CTNNA3: variants seen among roughly 807,000 people sequenced by gnomAD.
CTNNA3 encodes the protein catenin alpha 3, also known as catenin alpha-3.
In CTNNA3, 76 loss-of-function variants were observed where a neutral mutation model predicts 95.7. That is an observed-to-expected ratio of 0.79 (90% CI 0.66 to 0.96). The LOEUF is 0.96. CTNNA3 is among the 40% of genes least tolerant of loss of function. The probability of loss-of-function intolerance (pLI) is 0.00; values close to 1 mark genes in which losing one functional copy is unlikely to be tolerated. For synonymous variants in CTNNA3, 431 were observed against 374.4 expected (o/e 1.15, Z -1.74); for missense variants, 1,191 against 1,089.8 (o/e 1.09, Z -1.31).
intron 13 of CTNNA3, among the ~76,000 whole-genome samples, chr10:66,166,515 AAAAG>A (rs1197097301): frequency 0.026 from 3,855 of 150,680 alleles, 157 homozygotes; most frequent in African/African-American, 0.091. Context: ...AAAAAAAAAA[AAAAG>A]AAGAAGTTTC....
intron 7 of CTNNA3, among the ~76,000 whole-genome samples, chr10:67,036,240 C>T: frequency 6.6e-6 from 1 of 151,762 alleles, no homozygotes; most frequent in African/African-American, 2.4e-5. Context: ...GCAACCTCAA[C>T]CTCCTGGGCT....
intron 13 of CTNNA3, among the ~76,000 whole-genome samples, chr10:66,279,701 T>C (rs1202085747): frequency 6.6e-6 from 1 of 152,116 alleles, no homozygotes; most frequent in Non-Finnish European, 1.5e-5. Flanking sequence ...TGCCTCACTT[T>C]GTCTCACTTT....
chr10:67,473,680 T>C (rs771011026), intron 5 of CTNNA3, among the ~76,000 whole-genome samples: 27 of 151,882 alleles, frequency 1.8e-4, no homozygotes, highest in Non-Finnish European at 2.6e-4. Flanking sequence ...ATCAGAAACA[T>C]TGGAAAAAAA....
intron 10 of CTNNA3, among the ~76,000 whole-genome samples, chr10:66,554,214 A>T (rs1842321321): frequency 6.6e-6 from 1 of 152,116 alleles, no homozygotes. Flanking sequence ...ATATTATAAA[A>T]CATAGTTCAG....
At chr10:66,628,305 G>A (rs1845009929) in intron 9 of CTNNA3, among the ~76,000 whole-genome samples, 1 of 151,856 alleles carries the variant, frequency 6.6e-6, no homozygotes, top group South Asian at 2.1e-4. Flanking sequence ...TTTGTTCGTT[G>A]GAAGCTGTGT....
chr10:67,517,983 T>C (rs1334767238), intron 5 of CTNNA3, among the ~76,000 whole-genome samples: 2 of 152,188 alleles, frequency 1.3e-5, no homozygotes, highest in African/African-American at 2.4e-5. Flanking sequence ...CTACCAATTA[T>C]ACTAAACACA....
intron 13 of CTNNA3, among the ~76,000 whole-genome samples, chr10:66,224,195 G>T (rs1320005033): frequency 6.6e-6 from 1 of 152,026 alleles, no homozygotes; most frequent in Non-Finnish European, 1.5e-5. Flanking sequence ...AACTCCAACT[G>T]ATTTACACCA....
In CTNNA3 at chr10:67,753,761, A is replaced by G. The variant is rs894326070; in HGVS notation, c.-2+9673T>C. ...TAGAGAAATGCAAATCAAAACCACA[A>G]TGAGATACCATCTCATGAGTCAGAA... On this transcript the variant is annotated intron_variant, in intron 1 of 17. Coordinates refer to the CTNNA3 transcript ENST00000684154. 2.0e-5 allele frequency among the ~76,000 whole-genome samples: 3 copies of G among 152,218 alleles called. No individual in the cohort carries two copies. The South Asian group carries it at 6.2e-4, about 32-fold the overall frequency.
At chr10:66,537,747 C>T (rs749764694) in intron 10 of CTNNA3, among the ~76,000 whole-genome samples, 6 of 151,894 alleles carry the variant, frequency 4.0e-5, no homozygotes, top group Admixed American at 3.9e-4. Context: ...TCACTTGAGA[C>T]CAGGATTTGA....
chr10:66,952,757 C>T (rs1848598689), intron 7 of CTNNA3, among the ~76,000 whole-genome samples: 1 of 151,856 alleles, frequency 6.6e-6, no homozygotes, highest in Admixed American at 6.6e-5. Context: ...GACTCTTCTG[C>T]TTGGTTAGTG....
chr10:65,966,836 C>A (rs1446621175), intron 16 of CTNNA3, 90 bp from the exon 17 acceptor site: 1 of 931,802 alleles, frequency 1.1e-6, no homozygotes, highest in Non-Finnish European at 1.5e-6. Context: ...ATGGCAGGTA[C>A]CTTATAAAGC....
intron 13 of CTNNA3, among the ~76,000 whole-genome samples, chr10:66,243,448 T>C (rs1455611863): frequency 6.6e-6 from 1 of 152,162 alleles, no homozygotes; most frequent in African/African-American, 2.4e-5. Context: ...AGAAATTTGG[T>C]CTCCCAAACC....
intron 5 of CTNNA3, among the ~76,000 whole-genome samples, chr10:67,292,519 A>G (rs926448007): frequency 2.0e-5 from 3 of 152,144 alleles, no homozygotes; most frequent in African/African-American, 7.2e-5. Flanking sequence ...TTAAATGTCA[A>G]ATGATACCAC....
At chr10:67,582,044 T>C (rs557258351) in intron 3 of CTNNA3, among the ~76,000 whole-genome samples, 1 of 151,598 alleles carries the variant, frequency 6.6e-6, no homozygotes, top group Non-Finnish European at 1.5e-5. Context: ...CAGGGTTTTT[T>C]GTGTCTCTAT....
chr10:67,008,261 T>C (rs1852122725), intron 7 of CTNNA3, among the ~76,000 whole-genome samples: 1 of 152,152 alleles, frequency 6.6e-6, no homozygotes, highest in African/African-American at 2.4e-5. Context: ...CTAACTTCCA[T>C]CAATTTGATA....
chr10:65,973,600 G>T (rs1416090980), intron 16 of CTNNA3, among the ~76,000 whole-genome samples: 1 of 152,102 alleles, frequency 6.6e-6, no homozygotes, highest in Non-Finnish European at 1.5e-5. Flanking sequence ...ATAAAGAAAA[G>T]AAGTTTAATT....
chr10:67,063,779 G>A (rs955856251), intron 7 of CTNNA3, among the ~76,000 whole-genome samples: 1 of 152,182 alleles, frequency 6.6e-6, no homozygotes, highest in South Asian at 2.1e-4. Flanking sequence ...AATTTCTATT[G>A]AGAGGTGGCT....
intron 14 of CTNNA3, among the ~76,000 whole-genome samples, chr10:66,081,777 T>C (rs2080771595): frequency 6.6e-6 from 1 of 152,134 alleles, no homozygotes; most frequent in Non-Finnish European, 1.5e-5. Flanking sequence ...GAGATTAAAA[T>C]TTATAGGTGA....
chr10:66,121,109 G>C (rs1239095982), intron 13 of CTNNA3, among the ~76,000 whole-genome samples: 4 of 152,116 alleles, frequency 2.6e-5, no homozygotes, highest in African/African-American at 2.4e-5. Flanking sequence ...CAAAAATCTT[G>C]CCTACTAGCC....
Sources: gnomAD v4.1 joint callset for allele counts (sites outside exome capture counted in the v4.1 genomes callset) on GRCh38, gnomAD v4.1.1 for gene constraint, MANE v1.5 for transcripts, NCBI Gene and HGNC (gene_info 2026-07-23, HGNC 2026-07-21) for gene names.